The following TPP2 variants were observed in gnomAD, a reference collection of about 807,000 sequenced individuals.
The protein encoded by TPP2 is tripeptidyl-peptidase 2.
In TPP2, 34 loss-of-function variants were observed where a neutral mutation model predicts 155.9. That is an observed-to-expected ratio of 0.22 (90% CI 0.17 to 0.29). TPP2 has a LOEUF of 0.29. TPP2 is among the 10% of genes least tolerant of loss of function. The pLI, the probability that TPP2 is intolerant of heterozygous loss-of-function variation, is 1.00. For missense variants in TPP2, 1,028 were observed against 1,522.3 expected (o/e 0.68, Z 5.40); for synonymous variants, 510 against 529.4 (o/e 0.96, Z 0.50).
chr13:102,657,516 CTCT>C (rs1883939899), intron 25 of TPP2, among the ~76,000 whole-genome samples: 1 of 151,666 alleles, frequency 6.6e-6, no homozygotes, highest in South Asian at 2.1e-4. Flanking sequence ...AGTCATTGTC[CTCT>C]TATTATTATT....
chr13:102,666,766 CTTTTTTTTTT>C, intron 27 of TPP2, among the ~76,000 whole-genome samples: 1 of 55,732 alleles, frequency 1.8e-5, no homozygotes, highest in Non-Finnish European at 3.1e-5. Flanking sequence ...TTTTTAATCT[CTTTTTTTTTT>C]TTTTTTTTTT....
At chr13:102,666,038 A>G (rs549489066) in intron 27 of TPP2, among the ~76,000 whole-genome samples, 2 of 152,362 alleles carry the variant, frequency 1.3e-5, no homozygotes, top group Admixed American at 6.5e-5. Context: ...GTTGTTAATA[A>G]TAACAGAAAA....
chr13:102,648,783 T>C, intron 21 of TPP2, 124 bp from the exon 22 acceptor site: 1 of 1,309,130 alleles, frequency 7.6e-7, no homozygotes. Flanking sequence ...AGTTAGTTCC[T>C]TGCACTGTAC....
At chr13:102,616,703 T>C (rs1880761168) in intron 4 of TPP2, among the ~76,000 whole-genome samples, 1 of 152,252 alleles carries the variant, frequency 6.6e-6, no homozygotes. Flanking sequence ...TAACACATAA[T>C]ACACGTAGGG....
At chr13:102,605,130 G>GTAGT (rs1879723476) in intron 2 of TPP2, among the ~76,000 whole-genome samples, 3 of 152,224 alleles carry the variant, frequency 2.0e-5, no homozygotes, top group South Asian at 2.1e-4. Context: ...CGGGGTTCCA[G>GTAGT]TCGCCCTGGA....
chr13:102,647,811 A>AC (rs112531505), intron 21 of TPP2, among the ~76,000 whole-genome samples: 1 of 152,354 alleles, frequency 6.6e-6, no homozygotes, highest in African/African-American at 2.4e-5. Context: ...ATGAGCACTT[A>AC]CTACATACCA....
At chr13:102,606,304 A>G (rs1879821849) in intron 2 of TPP2, among the ~76,000 whole-genome samples, 1 of 152,210 alleles carries the variant, frequency 6.6e-6, no homozygotes, top group East Asian at 1.9e-4. Context: ...TGTGCCGTGT[A>G]ATAAAGCACC....
intron 1 of TPP2, among the ~76,000 whole-genome samples, chr13:102,603,376 A>G (rs1879576411): frequency 6.6e-6 from 1 of 152,214 alleles, no homozygotes; most frequent in Non-Finnish European, 1.5e-5. Context: ...AATGAGGTAC[A>G]GTGAGAAAAA....
intron 27 of TPP2, among the ~76,000 whole-genome samples, chr13:102,671,783 G>C (rs142956404): frequency 2.4e-4 from 36 of 152,198 alleles, no homozygotes; most frequent in Non-Finnish European, 4.0e-4. Context: ...ATCTTTGCCC[G>C]GTAACAGCGG....
At chr13:102,672,842 A>T (rs997684078) in intron 27 of TPP2, among the ~76,000 whole-genome samples, 2 of 152,212 alleles carry the variant, frequency 1.3e-5, no homozygotes, top group Admixed American at 6.5e-5. Context: ...ATTCCAGTGT[A>T]AACAAGCAGT....
intron 1 of TPP2, among the ~76,000 whole-genome samples, chr13:102,600,762 A>G (rs910897574): frequency 5.9e-5 from 9 of 152,056 alleles, no homozygotes; most frequent in Admixed American, 2.0e-4. Flanking sequence ...ATAAAACTCT[A>G]TTTTTACATT....
chr13:102,610,217 T>G (rs1019715963), intron 2 of TPP2, among the ~76,000 whole-genome samples: 1 of 152,040 alleles, frequency 6.6e-6, no homozygotes, highest in Non-Finnish European at 1.5e-5. Flanking sequence ...GTGCATTTAT[T>G]TATTTATTTA....
At chr13:102,644,394 A>G (rs569397473) in intron 17 of TPP2, among the ~76,000 whole-genome samples, 163 bp from the exon 18 acceptor site, 1 of 152,288 alleles carries the variant, frequency 6.6e-6, no homozygotes, top group Non-Finnish European at 1.5e-5. Context: ...TCTGCAAATG[A>G]TTTGTCTAAC....
chr13:102,635,365 A>G (rs1882298862), intron 11 of TPP2, among the ~76,000 whole-genome samples: 2 of 152,184 alleles, frequency 1.3e-5, no homozygotes, highest in Admixed American at 1.3e-4. Context: ...TCTGCCCACC[A>G]CATAATGAGA....
Position 102,640,339 on chromosome 13 carries a change from G to T in TPP2, c.1983G>T (p.Arg661Ser). 7 of 1,613,592 alleles carry T rather than the reference G, an allele frequency of 4.3e-6. No individual in the cohort carries two copies. Among genetic ancestry groups the T allele is most frequent in the Non-Finnish European group, 5.1e-6 (6 of 1,179,726 alleles). ...DVHFKPGQIR[R>S]HFIEVPEGAT... ...ACTTTAAACCTGGTCAAATTCGAAG[G>T]CATTTTATTGAGGTTCCTGAGGGTG... is the stretch of plus-strand genomic sequence containing the variant. The change falls in exon 16 of 30, where the codon AGG (arginine) becomes AGT (serine). Residue 661 changes from arginine (R) to serine (S), a missense_variant. Arg to Ser is a moderately radical substitution (Grantham distance 110). Coordinates refer to ENST00000376052, the MANE Select transcript of TPP2 (RefSeq NM_001330588.2).
Position 102,643,325 on chromosome 13 carries a change from G to A in TPP2, c.2124G>A (p.Lys708=). 1.2e-6 allele frequency: 2 copies of A among 1,613,070 alleles called. No homozygotes were observed. The highest frequency in any genetic ancestry group is 1.7e-6 in the Non-Finnish European group (2 of 1,179,638). ...CATATCGAAGCCATGAATTCTATAAGTTTTGTTCTCTTCCAGAGAAAGGAA... is the reference window on the plus strand; with the variant it reads ...CATATCGAAGCCATGAATTCTATAAATTTTGTTCTCTTCCAGAGAAAGGAA... ...QRAYRSHEFY[K]FCSLPEKGTL... Residue 708 remains lysine (K), a synonymous_variant, in exon 17 of 30, where the codon AAG becomes AAA. Coordinates refer to ENST00000376052, the MANE Select transcript of TPP2 (RefSeq NM_001330588.2).
At chr13:102,620,161 G>A (rs1164893131) in intron 5 of TPP2, among the ~76,000 whole-genome samples, 1 of 152,200 alleles carries the variant, frequency 6.6e-6, no homozygotes, top group African/African-American at 2.4e-5. Context: ...GAGTCAGGAT[G>A]TCCAGGGTAC....
chr13:102,657,363 G>A (rs1951513119), intron 25 of TPP2, among the ~76,000 whole-genome samples, 156 bp downstream of exon 25: 1 of 151,614 alleles, frequency 6.6e-6, no homozygotes, highest in Non-Finnish European at 1.5e-5. Context: ...TTATATAAAT[G>A]TGTAATTTAT....
intron 24 of TPP2, 70 bp from the exon 25 acceptor site, chr13:102,656,986 C>T: frequency 6.8e-7 from 1 of 1,469,076 alleles, no homozygotes; most frequent in East Asian, 2.4e-5. Flanking sequence ...TGACATGTAG[C>T]TGTTGAAGAT....
Sources: gnomAD v4.1 joint callset for allele counts (sites outside exome capture counted in the v4.1 genomes callset) on GRCh38, gnomAD v4.1.1 for gene constraint, MANE v1.5 for transcripts, NCBI Gene and HGNC (gene_info 2026-07-23, HGNC 2026-07-21) for gene names.